The following SMARCC1 variants were observed in gnomAD, a reference collection of about 807,000 sequenced individuals.
SMARCC1 encodes SWI/SNF related BAF chromatin remodeling complex subunit C1.
A neutral mutation model predicts 147.4 loss-of-function variants in SMARCC1; 43 were observed. The ratio of observed to expected loss-of-function variants is 0.29; its 90% confidence interval spans 0.23 to 0.38. The LOEUF (loss-of-function observed/expected upper bound fraction) is 0.38, where lower values mean the gene tolerates loss of function less well. Among genes scored for constraint, SMARCC1 ranks in the 10% least tolerant of loss-of-function variants. The pLI is 1.00. For missense variants in SMARCC1, 1,119 were observed against 1,381.1 expected, an observed-to-expected ratio of 0.81 and a Z score of 3.01; for synonymous variants, 495 against 484.4, an observed-to-expected ratio of 1.02 and a Z score of -0.29.
chr3:47,641,499 G>A (rs1405608476), intron 21 of SMARCC1, among the ~76,000 whole-genome samples: 1 of 151,918 alleles, frequency 6.6e-6, no homozygotes, highest in Non-Finnish European at 1.5e-5. Flanking sequence ...GAAAAAAGAA[G>A]GAATAAAAGG....
intron 20 of SMARCC1, among the ~76,000 whole-genome samples, chr3:47,661,750 T>C (rs1022294372): frequency 6.6e-6 from 1 of 152,080 alleles, no homozygotes; most frequent in African/African-American, 2.4e-5. Flanking sequence ...TTTAACTGCT[T>C]ACTAGATTAA....
At position 47,588,634 on chromosome 3, in the gene SMARCC1, C is replaced by A. The variant is rs116489453; in HGVS notation, c.3221-328G>T. Among the ~76,000 whole-genome samples, 1,424 of 151,494 alleles carry A rather than the reference C, an allele frequency of 9.4e-3. 22 individuals carry two copies. Among genetic ancestry groups the A allele is most frequent in the African/African-American group, 0.033 (1,369 of 41,144 alleles). On this transcript the variant is annotated intron_variant, in intron 27 of 27. Transcript: ENST00000254480. ...TTGATTGCATTGTATTTCAAGGGTT[C>A]TAATTTTATTTCTTCAGTTAAAAAA...
chr3:47,747,997 A>T (rs943145128), intron 2 of SMARCC1, among the ~76,000 whole-genome samples: 4 of 149,740 alleles, frequency 2.7e-5, no homozygotes, highest in African/African-American at 9.8e-5. Context: ...ATCTCTACTA[A>T]AAATACAAAA....
At chr3:47,691,088 G>A (rs1467704821) in intron 12 of SMARCC1, among the ~76,000 whole-genome samples, 2 of 151,942 alleles carry the variant, frequency 1.3e-5, no homozygotes, top group African/African-American at 4.8e-5. Flanking sequence ...AGTAGTCTTG[G>A]TACTCAATGG....
At position 47,781,670 on chromosome 3, in the gene SMARCC1, CA is replaced by C; in HGVS notation, c.127del (p.Trp43GlyfsTer111). The C allele has an allele frequency of 1.3e-6, 2 of 1,559,446 alleles. No homozygotes were observed. Among genetic ancestry groups the C allele is most frequent in the East Asian group, 2.7e-5 (1 of 37,572 alleles). ...CTGGGACACCGTCTCCGGGCTCTCC[CA>C]AAACTTGGTGGCCGGGCCCCCATCC... The part of the protein sequence containing the change: ...RKDGGPATKF[W>X]ESPETVSQLD... On this transcript the variant is annotated frameshift_variant, in exon 1 of 28. Transcript: ENST00000254480. LOFTEE classifies it high-confidence loss of function.
At chr3:47,748,034 T>C (rs530544491) in intron 2 of SMARCC1, among the ~76,000 whole-genome samples, 1 of 152,064 alleles carries the variant, frequency 6.6e-6, no homozygotes, top group East Asian at 2.0e-4. Context: ...GGCGGGCGCA[T>C]GTAATCCCAG....
At chr3:47,666,460 T>TCA (rs1293337558) in intron 19 of SMARCC1, among the ~76,000 whole-genome samples, 1 of 89,378 alleles carries the variant, frequency 1.1e-5, no homozygotes, top group Non-Finnish European at 2.8e-5. Context: ...GCAGTGTCTG[T>TCA]CAGTGTCCAA....
intron 1 of SMARCC1, among the ~76,000 whole-genome samples, chr3:47,774,732 C>T (rs1010020191): frequency 6.6e-6 from 1 of 152,032 alleles, no homozygotes; most frequent in African/African-American, 2.4e-5. Flanking sequence ...TTAAAAACTA[C>T]ATACTACTTT....
Position 47,635,250 on chromosome 3 carries a change from G to A in SMARCC1, c.2586C>T (p.Ser862=), listed in dbSNP as rs777944668. The A allele has an allele frequency of 1.9e-5, 31 of 1,613,584 alleles. No individual in the cohort carries two copies. The highest frequency in any genetic ancestry group is 1.7e-4 in the Middle Eastern group (1 of 5,892). ...CTGCGGCTGTGGCAACATTTCCTTCGGAAATTTCATGTTCTACTTTCTTCT... is the reference window on the plus strand; with the variant it reads ...CTGCGGCTGTGGCAACATTTCCTTCAGAAATTTCATGTTCTACTTTCTTCT... ...TGKKKVEHEI[S]EGNVATAAAA... Residue 862 remains serine, a synonymous_variant, in exon 24 of 28, where the codon TCC becomes TCT. Coordinates refer to ENST00000254480, the MANE Select transcript of SMARCC1 (RefSeq NM_003074.4).
At chr3:47,747,204 C>A (rs534859036) in intron 2 of SMARCC1, among the ~76,000 whole-genome samples, 2 of 151,788 alleles carry the variant, frequency 1.3e-5, no homozygotes, top group South Asian at 2.1e-4. Flanking sequence ...CAGGCCGAAG[C>A]GGGCAGATGG....
intron 9 of SMARCC1, among the ~76,000 whole-genome samples, chr3:47,707,319 GA>G (rs112319199): frequency 5.9e-4 from 81 of 137,738 alleles, no homozygotes; most frequent in Non-Finnish European, 4.9e-4. Flanking sequence ...CTCAAAGAAG[GA>G]AAAAAAAAAA....
intron 25 of SMARCC1, among the ~76,000 whole-genome samples, chr3:47,614,398 T>C (rs141198374): frequency 9.1e-4 from 139 of 152,280 alleles, no homozygotes; most frequent in African/African-American, 3.2e-3. Context: ...TTTAATGTAA[T>C]AGCAAATGTT....
chr3:47,624,046 T>C (rs1403657640), intron 24 of SMARCC1, among the ~76,000 whole-genome samples: 3 of 152,056 alleles, frequency 2.0e-5, no homozygotes, highest in South Asian at 2.1e-4. Flanking sequence ...CTCAGCACTT[T>C]TGGGAGGCCT....
At chr3:47,701,480 C>A in intron 10 of SMARCC1, 78 bp from the exon 11 acceptor site, 1 of 1,299,972 alleles carries the variant, frequency 7.7e-7, no homozygotes, top group Non-Finnish European at 1.1e-6. Flanking sequence ...AGGTTGTACA[C>A]CTTCATTATT....
At chr3:47,664,016 C>A in intron 19 of SMARCC1, 1 of 752,624 alleles carries the variant, frequency 1.3e-6, no homozygotes, top group South Asian at 2.0e-5. Context: ...GGGACTTACT[C>A]CCTCCTCTCC....
rs375930874 is a variant in SMARCC1 at position 47,772,966 on chromosome 3, T to C, written c.196-30A>G. 44 of 1,600,728 alleles carry C rather than the reference T, an allele frequency of 2.7e-5. No homozygotes were observed. The African/African-American group carries it at 5.6e-4, about 20-fold the overall frequency. On this transcript the variant is annotated intron_variant, in intron 1 of 27. Transcript: ENST00000254480. ...AAGATAAAGACAGGCATTCAAAAACTAGTACAATTTTTGCAGGAGAAAATG... is the reference window on the plus strand; with the variant it reads ...AAGATAAAGACAGGCATTCAAAAACCAGTACAATTTTTGCAGGAGAAAATG...
intron 27 of SMARCC1, 65 bp from the exon 28 acceptor site, chr3:47,588,371 T>G (rs2032112292): frequency 6.8e-7 from 1 of 1,480,256 alleles, no homozygotes; most frequent in South Asian, 1.2e-5. Flanking sequence ...AAAGAGCCTA[T>G]TCAGTGAAAA....
intron 3 of SMARCC1, among the ~76,000 whole-genome samples, chr3:47,741,003 TAGA>T (rs2034503692): frequency 6.6e-6 from 1 of 152,028 alleles, no homozygotes; most frequent in Admixed American, 6.6e-5. Context: ...TACCTCCAGA[TAGA>T]AGAATAAAAC....
At chr3:47,693,200 G>T in intron 12 of SMARCC1, 41 bp downstream of exon 12, 1 of 1,150,842 alleles carries the variant, frequency 8.7e-7, no homozygotes, top group Non-Finnish European at 1.3e-6. Flanking sequence ...ACATATTCAA[G>T]ACAGAAAGCA....
Sources: gnomAD v4.1 joint callset for allele counts (sites outside exome capture counted in the v4.1 genomes callset) on GRCh38, gnomAD v4.1.1 for gene constraint, MANE v1.5 for transcripts, NCBI Gene and HGNC (gene_info 2026-07-23, HGNC 2026-07-21) for gene names.